PCDHA11: variants seen among roughly 807,000 people sequenced by gnomAD.
PCDHA11 encodes protocadherin alpha-11.
PCDHA11 carries 61 observed loss-of-function variants against 70.3 expected under a neutral mutation model. The observed-to-expected ratio is 0.87, with a 90% CI of 0.71 to 1.07. The LOEUF is 1.07. PCDHA11 is among the 50% of genes least tolerant of loss of function. The pLI, the probability that PCDHA11 is intolerant of heterozygous loss-of-function variation, is 0.00. For synonymous variants in PCDHA11, 633 were observed against 555.1 expected (o/e 1.14, Z -1.97); for missense variants, 1,324 against 1,237.5 (o/e 1.07, Z -1.05).
chr5:140,920,400 T>C (rs1185930806), intron 1 of PCDHA11, among the ~76,000 whole-genome samples: 1 of 152,244 alleles, frequency 6.6e-6, no homozygotes, highest in Non-Finnish European at 1.5e-5. Context: ...TGGTGTCTTT[T>C]TTTAATCAGA....
intron 1 of PCDHA11, among the ~76,000 whole-genome samples, chr5:140,950,612 T>A (rs2094502401): frequency 6.6e-6 from 1 of 152,072 alleles, no homozygotes; most frequent in Non-Finnish European, 1.5e-5. Flanking sequence ...ATGATGTGCT[T>A]ATTTATGCTT....
chr5:140,967,870 G>A (rs782622860), intron 1 of PCDHA11: 31 of 1,614,152 alleles, frequency 1.9e-5, no homozygotes, highest in Non-Finnish European at 2.5e-5. Flanking sequence ...TGGTGCTCAC[G>A]GACCTGTATA....
intron 1 of PCDHA11, chr5:140,883,919 C>T (rs1554180590): frequency 1.2e-6 from 2 of 1,613,316 alleles, no homozygotes; most frequent in Non-Finnish European, 8.5e-7. Flanking sequence ...CAACGTGACG[C>T]TGCAGGTGTT....
intron 1 of PCDHA11, among the ~76,000 whole-genome samples, chr5:140,963,630 C>T (rs1370293911): frequency 3.3e-5 from 5 of 152,140 alleles, no homozygotes; most frequent in African/African-American, 1.2e-4. Flanking sequence ...TTGTTGCATA[C>T]GCATCTTCCC....
chr5:140,876,791 G>A (rs782617794), intron 1 of PCDHA11: 1 of 1,614,242 alleles, frequency 6.2e-7, no homozygotes, highest in Non-Finnish European at 8.5e-7. Context: ...GCCACGGCTA[G>A]AGTGTCCGTG....
Position 140,925,641 on chromosome 5 carries a change from T to TATAATAATAATA in PCDHA11, c.2392-53282_2392-53271dup, listed in dbSNP as rs10569930. On this transcript the variant is annotated intron_variant, in intron 1 of 3. Coordinates refer to ENST00000398640, the MANE Select transcript of PCDHA11 (RefSeq NM_018902.5). ...TGCACATGTACCCTAGAACTTAAAG[T>TATAATAATAATA]ATAATAATAATAATAATAATAATAA... 2.2e-3 allele frequency among the ~76,000 whole-genome samples: 310 copies of TATAATAATAATA among 143,350 alleles called. 1 individual carries two copies. The highest frequency in any genetic ancestry group is 2.8e-3 in the East Asian group (14 of 4,930). 94.0% of individuals were successfully genotyped at this position (143,350 alleles called of 152,430 possible).
chr5:140,975,149 T>A (rs990599895), intron 1 of PCDHA11, among the ~76,000 whole-genome samples: 1 of 152,202 alleles, frequency 6.6e-6, no homozygotes, highest in Non-Finnish European at 1.5e-5. Flanking sequence ...CACTCTCAGT[T>A]CCTAGAGAAC....
chr5:141,002,442 A>G (rs1177854570), intron 3 of PCDHA11, among the ~76,000 whole-genome samples: 3 of 152,218 alleles, frequency 2.0e-5, no homozygotes, highest in Non-Finnish European at 4.4e-5. Context: ...AACCATAATA[A>G]TTGGCACATT....
chr5:140,985,128 G>C (rs908196925), intron 3 of PCDHA11, among the ~76,000 whole-genome samples: 1 of 152,056 alleles, frequency 6.6e-6, no homozygotes, highest in African/African-American at 2.4e-5. Context: ...TAGTAAAGAC[G>C]GGGTTTCACC....
At position 141,009,666 on chromosome 5, in the gene PCDHA11, G is replaced by T; in HGVS notation, c.2579G>T (p.Gly860Val). Residue 860 changes from glycine to valine, a missense_variant, in exon 4 of 4, where the codon GGT becomes GTT. Physicochemically the swap from Gly to Val is moderately radical, Grantham distance 109. Coordinates refer to ENST00000398640, the MANE Select transcript of PCDHA11 (RefSeq NM_018902.5). ...GAAGTGTCCCCTCCAGTCGGTGCGG[G>T]TGTCAACAGCAACAGCTGGACCTTT... ...AGEVSPPVGAGVNSNSWTFKY... is the reference protein window; with the variant it reads ...AGEVSPPVGAVVNSNSWTFKY... The T allele has an allele frequency of 1.2e-6, 2 of 1,614,080 alleles. No individual in the cohort carries two copies. The highest frequency in any genetic ancestry group is 1.7e-6 in the Non-Finnish European group (2 of 1,180,022).
At chr5:140,909,472 G>A (rs2074524054) in intron 1 of PCDHA11, among the ~76,000 whole-genome samples, 1 of 152,168 alleles carries the variant, frequency 6.6e-6, no homozygotes, top group South Asian at 2.1e-4. Context: ...CTTCTTCACA[G>A]GCTAAATAGG....
intron 1 of PCDHA11, chr5:140,881,180 T>C: frequency 6.0e-6 from 1 of 167,460 alleles, no homozygotes; most frequent in Non-Finnish European, 1.2e-5. Context: ...TTTTCCTTGC[T>C]AAAGATATGT....
chr5:140,992,017 C>CTGTGTGTG (rs10602499), intron 3 of PCDHA11, among the ~76,000 whole-genome samples: 149 of 145,626 alleles, frequency 1.0e-3, no homozygotes, highest in African/African-American at 2.4e-3. Flanking sequence ...AGAGGTGGCT[C>CTGTGTGTG]TGTGTGTGTG....
intron 1 of PCDHA11, among the ~76,000 whole-genome samples, chr5:140,975,653 A>T (rs2096676885): frequency 6.6e-6 from 1 of 152,230 alleles, no homozygotes; most frequent in South Asian, 2.1e-4. Context: ...TATTTCATTG[A>T]GTAGTTGTGT....
intron 1 of PCDHA11, among the ~76,000 whole-genome samples, chr5:140,897,896 T>C (rs1377037458): frequency 6.6e-6 from 1 of 152,204 alleles, no homozygotes; most frequent in Non-Finnish European, 1.5e-5. Context: ...TGGTGTGAGA[T>C]GGTATCTCAT....
intron 1 of PCDHA11, among the ~76,000 whole-genome samples, chr5:140,888,420 C>T (rs947790198): frequency 3.3e-5 from 5 of 152,130 alleles, no homozygotes; most frequent in African/African-American, 4.8e-5. Context: ...AACATCCTAC[C>T]GTGCACAGGA....
chr5:140,956,433 C>T (rs1260145380), intron 1 of PCDHA11, among the ~76,000 whole-genome samples: 6 of 152,098 alleles, frequency 3.9e-5, no homozygotes, highest in African/African-American at 1.4e-4. Context: ...TTTAGTTCTG[C>T]TTATGTGATG....
intron 3 of PCDHA11, among the ~76,000 whole-genome samples, chr5:141,001,642 G>A (rs1399710505): frequency 6.6e-6 from 1 of 152,110 alleles, no homozygotes; most frequent in African/African-American, 2.4e-5. Flanking sequence ...GGGGGTGAAG[G>A]TGTGGGAGAA....
chr5:140,933,945 T>A (rs1435633780), intron 1 of PCDHA11, among the ~76,000 whole-genome samples: 1 of 152,084 alleles, frequency 6.6e-6, no homozygotes, highest in Non-Finnish European at 1.5e-5. Flanking sequence ...TTTTCACATC[T>A]GCAGGATCTG....
Sources: gnomAD v4.1 joint callset for allele counts (sites outside exome capture counted in the v4.1 genomes callset) on GRCh38, gnomAD v4.1.1 for gene constraint, MANE v1.5 for transcripts, NCBI Gene and HGNC (gene_info 2026-07-23, HGNC 2026-07-21) for gene names.